The following CCR3 variants were observed in gnomAD, a reference collection of about 807,000 sequenced individuals.
CCR3 encodes C-C motif chemokine receptor 3, also known as C-C chemokine receptor type 3.
For synonymous variants in CCR3, 203 were observed against 179.2 expected (o/e 1.13, Z -1.06); for missense variants, 419 against 437.5 (o/e 0.96, Z 0.38).
intron 1 of CCR3, among the ~76,000 whole-genome samples, chr3:46,253,258 T>C (rs1700352823): frequency 6.6e-6 from 1 of 152,162 alleles, no homozygotes; most frequent in African/African-American, 2.4e-5. Flanking sequence ...ATGGCACCCA[T>C]TTCATTGCTG....
At chr3:46,239,620 A>T (rs1479725601), upstream of CCR3, among the ~76,000 whole-genome samples, 1 of 152,172 alleles carries the variant, frequency 6.6e-6, no homozygotes, top group African/African-American at 2.4e-5. Flanking sequence ...CTGGAGCTGG[A>T]ATTTCCACTC....
intron 2 of CCR3, chr3:46,210,961 G>A (rs1450057663): frequency 6.6e-6 from 1 of 152,230 alleles, no homozygotes; most frequent in Non-Finnish European, 1.5e-5. Context: ...GAAGCTTGAA[G>A]GACAATTGAC....
intron 2 of CCR3, among the ~76,000 whole-genome samples, chr3:46,213,956 A>G (rs140847751): frequency 0.021 from 3,256 of 152,270 alleles, 54 homozygotes; most frequent in Middle Eastern, 0.075. Flanking sequence ...TGATCCTGTC[A>G]TGCCCACTTG....
chr3:46,226,416 C>T (rs1459024050), intron 2 of CCR3, among the ~76,000 whole-genome samples: 1 of 152,122 alleles, frequency 6.6e-6, no homozygotes, highest in Non-Finnish European at 1.5e-5. Context: ...TAGAGTTATA[C>T]CTAAGTATCA....
upstream of CCR3, among the ~76,000 whole-genome samples, chr3:46,239,382 C>T (rs1700055319): frequency 6.6e-6 from 1 of 152,190 alleles, no homozygotes; most frequent in Non-Finnish European, 1.5e-5. Context: ...ATAGTTTTAA[C>T]TCTGCAGAGA....
chr3:46,244,688 G>C (rs1700158818), intron 1 of CCR3, among the ~76,000 whole-genome samples: 1 of 152,176 alleles, frequency 6.6e-6, no homozygotes, highest in Admixed American at 6.5e-5. Context: ...TTTTGTGGTG[G>C]AATGTCATCA....
chr3:46,221,109 G>C (rs1168034838), intron 2 of CCR3, among the ~76,000 whole-genome samples: 2 of 152,226 alleles, frequency 1.3e-5, no homozygotes, highest in Non-Finnish European at 2.9e-5. Context: ...TCGCCTTAGT[G>C]ATATTAAGTT....
chr3:46,214,642 T>G (rs571695441), intron 2 of CCR3, among the ~76,000 whole-genome samples: 34 of 152,110 alleles, frequency 2.2e-4, no homozygotes, highest in Middle Eastern at 3.4e-3. Flanking sequence ...TTTATAGAAA[T>G]AAGGAGCCCT....
rs1310430707 is a variant in CCR3, at chr3:46,265,910, T to C, written c.752T>C (p.Phe251Ser). ...IFVIMAVFFI[F>S]WTPYNVAILL... Reference sequence around the variant, plus strand: ...GTCATCATGGCGGTGTTTTTCATTTTCTGGACACCCTACAATGTGGCTATC... The same window carrying C: ...GTCATCATGGCGGTGTTTTTCATTTCCTGGACACCCTACAATGTGGCTATC... The change falls in exon 2 of 2, where the codon TTC (phenylalanine) becomes TCC (serine). Residue 251 changes from phenylalanine to serine, a missense_variant. Transcript: ENST00000395940. 6.2e-7 allele frequency: 1 copy of C among 1,614,194 alleles called. No individual in the cohort carries two copies. Among genetic ancestry groups the C allele is most frequent in the Non-Finnish European group, 8.5e-7 (1 of 1,180,018 alleles).
intron 1 of CCR3, among the ~76,000 whole-genome samples, chr3:46,262,992 T>C (rs893988263): frequency 3.9e-5 from 6 of 152,216 alleles, no homozygotes. Flanking sequence ...ATGCAGCTAG[T>C]AATCAAGGAC....
Position 46,265,607 on chromosome 3 carries a change from G to A in CCR3, c.449G>A (p.Gly150Asp). The change falls in exon 2 of 2, where the codon GGT (glycine) becomes GAT (aspartate). Residue 150 changes from glycine (G) to aspartate (D), a missense_variant. Transcript: ENST00000395940. ...CTTCGAGCCCGGACTGTCACTTTTGGTGTCATCACCAGCATCGTCACCTGG... is the reference window on the plus strand; with the variant it reads ...CTTCGAGCCCGGACTGTCACTTTTGATGTCATCACCAGCATCGTCACCTGG... The part of the protein sequence containing the change: ...FALRARTVTF[G>D]VITSIVTWGL... The A allele has an allele frequency of 6.2e-7, 1 of 1,614,094 alleles. No individual in the cohort carries two copies. Among genetic ancestry groups the A allele is most frequent in the Non-Finnish European group, 8.5e-7 (1 of 1,180,022 alleles).
chr3:46,241,091 C>G (rs1350893893), upstream of CCR3, among the ~76,000 whole-genome samples: 1 of 151,786 alleles, frequency 6.6e-6, no homozygotes, highest in African/African-American at 2.4e-5. Flanking sequence ...AACTGAGCCC[C>G]TTCCTCCCTT....
At chr3:46,243,565 G>A (rs1010152643) in intron 1 of CCR3, among the ~76,000 whole-genome samples, 5 of 152,054 alleles carry the variant, frequency 3.3e-5, no homozygotes, top group South Asian at 2.1e-4. Flanking sequence ...TTCTGGAAAC[G>A]CCTGGATTGA....
At chr3:46,246,149 G>A (rs184376978) in intron 1 of CCR3, among the ~76,000 whole-genome samples, 3 of 152,270 alleles carry the variant, frequency 2.0e-5, no homozygotes, top group Admixed American at 1.3e-4. Context: ...ACAGTGCAAA[G>A]CAGAGTAAAA....
At chr3:46,237,479 G>GC (rs1184724435), upstream of CCR3, among the ~76,000 whole-genome samples, 2 of 152,158 alleles carry the variant, frequency 1.3e-5, no homozygotes, top group Non-Finnish European at 2.9e-5. Flanking sequence ...TGTTGCCTGT[G>GC]CATTTGAAGT....
intron 1 of CCR3, among the ~76,000 whole-genome samples, chr3:46,243,807 T>C (rs1456683081): frequency 6.6e-6 from 1 of 152,014 alleles, no homozygotes; most frequent in African/African-American, 2.4e-5. Context: ...GCAGAATAAA[T>C]TGGGTAAAGG....
chr3:46,234,460 C>CT (rs1316279539), intron 2 of CCR3, among the ~76,000 whole-genome samples: 2 of 152,134 alleles, frequency 1.3e-5, no homozygotes, highest in Admixed American at 6.5e-5. Context: ...ACCACATACC[C>CT]TTTCAGAGTC....
Position 46,264,513 on chromosome 3 carries a change from A to G in CCR3, c.-11-635A>G, listed in dbSNP as rs1480029999. ...AAAATCACTACATTTGAATCTAGTG[A>G]CAGGAGAAATGGACATGGATAGAGA... On this transcript the variant is annotated intron_variant, in intron 1 of 1. Transcript: ENST00000395940. The G allele has an allele frequency of 4.6e-6, 5 of 1,098,880 alleles. No homozygotes were observed. The African/African-American group carries it at 6.3e-5, about 14-fold the overall frequency. 68.1% of individuals were successfully genotyped at this position (1,098,880 alleles called of 1,614,324 possible). A position where few individuals can be genotyped will look rare whatever the true frequency, so the allele number is the denominator to read the frequency against.
chr3:46,238,291 T>G (rs1700043161), upstream of CCR3, among the ~76,000 whole-genome samples: 1 of 152,242 alleles, frequency 6.6e-6, no homozygotes, highest in African/African-American at 2.4e-5. Flanking sequence ...AGTATGTAGT[T>G]GTATCTCATT....
Sources: gnomAD v4.1 joint callset for allele counts (sites outside exome capture counted in the v4.1 genomes callset) on GRCh38, gnomAD v4.1.1 for gene constraint, MANE v1.5 for transcripts, NCBI Gene and HGNC (gene_info 2026-07-23, HGNC 2026-07-21) for gene names.